ARL15: variants seen among roughly 807,000 people sequenced by gnomAD.
ARL15 encodes ADP-ribosylation factor-like protein 15.
ARL15 carries 19 observed loss-of-function variants against 25.2 expected under a neutral mutation model. The observed-to-expected ratio is 0.75, with a 90% confidence interval of 0.53 to 1.10. The LOEUF is 1.10. Ranked by LOEUF, ARL15 falls within the 50% of genes least tolerant of loss-of-function variation. The pLI, the probability that ARL15 is intolerant of heterozygous loss-of-function variation, is 0.00. For missense variants in ARL15, 220 were observed against 246.0 expected, an observed-to-expected ratio of 0.89 and a Z score of 0.71; for synonymous variants, 94 against 86.8, an observed-to-expected ratio of 1.08 and a Z score of -0.46.
chr5:54,096,247 G>A (rs1273421099), intron 4 of ARL15, among the ~76,000 whole-genome samples: 1 of 151,938 alleles, frequency 6.6e-6, no homozygotes, highest in African/African-American at 2.4e-5. Flanking sequence ...ATAATATATT[G>A]TGATTATCTG....
intron 4 of ARL15, among the ~76,000 whole-genome samples, chr5:54,068,337 C>T (rs754682818): frequency 9.9e-5 from 15 of 152,122 alleles, no homozygotes; most frequent in Non-Finnish European, 2.1e-4. Flanking sequence ...GAACAGAAAG[C>T]ACAATTCAAG....
intron 4 of ARL15, 105 bp from the exon 5 acceptor site, chr5:53,886,818 TAC>T: frequency 1.8e-6 from 2 of 1,093,012 alleles, no homozygotes; most frequent in Non-Finnish European, 2.6e-6. Flanking sequence ...GCGGAATTTA[TAC>T]GAACTGTGAT....
chr5:54,054,712 C>A (rs937532349), intron 4 of ARL15, among the ~76,000 whole-genome samples: 1 of 152,122 alleles, frequency 6.6e-6, no homozygotes, highest in African/African-American at 2.4e-5. Context: ...ATGGCGTGAA[C>A]CCAGAAGGCG....
intron 4 of ARL15, among the ~76,000 whole-genome samples, chr5:54,109,346 T>C (rs1441840941): frequency 2.6e-5 from 4 of 152,026 alleles, no homozygotes; most frequent in Non-Finnish European, 5.9e-5. Context: ...AAAAGTTAAA[T>C]ACTTTTGGAT....
intron 4 of ARL15, among the ~76,000 whole-genome samples, chr5:54,062,483 T>C (rs968545089): frequency 2.7e-5 from 4 of 148,168 alleles, no homozygotes; most frequent in Non-Finnish European, 3.0e-5. Context: ...GTTCTTGTGA[T>C]AGTGAATGAG....
At chr5:54,037,186 C>T (rs758877392) in intron 4 of ARL15, among the ~76,000 whole-genome samples, 20 of 151,982 alleles carry the variant, frequency 1.3e-4, no homozygotes, top group Non-Finnish European at 2.8e-4. Context: ...AAAGAAAACA[C>T]ACTACTGTTT....
intron 4 of ARL15, among the ~76,000 whole-genome samples, chr5:54,005,366 A>G (rs1748993018): frequency 6.6e-6 from 1 of 152,292 alleles, no homozygotes; most frequent in African/African-American, 2.4e-5. Context: ...TCTGTCCCCC[A>G]GGTGACTGTA....
At chr5:53,937,583 A>G (rs976724702) in intron 4 of ARL15, among the ~76,000 whole-genome samples, 28 of 152,186 alleles carry the variant, frequency 1.8e-4, no homozygotes, top group Non-Finnish European at 7.3e-5. Context: ...ATACACAAAT[A>G]CTTCCTATTG....
intron 1 of ARL15, among the ~76,000 whole-genome samples, chr5:54,250,426 T>C (rs1223452174): frequency 1.3e-5 from 2 of 152,064 alleles, no homozygotes; most frequent in Admixed American, 1.3e-4. Context: ...CTGACAGAAT[T>C]GGAGAACAGG....
In ARL15 at chr5:54,136,872, T is replaced by TG. The variant is rs1304026260; in HGVS notation, c.253+17707_253+17708insC. The stretch of plus-strand genomic sequence containing the variant: ...CTAGACAGGACAGTCTGCCTGGGTT[T>TG]TTTTTTTTTTTTTAGTTTAGTTCAG... On this transcript the variant is annotated intron_variant, in intron 3 of 4. Coordinates refer to ENST00000504924, the MANE Select transcript of ARL15 (RefSeq NM_019087.3). 6.0e-5 allele frequency among the ~76,000 whole-genome samples: 9 copies of TG among 151,016 alleles called. No individual in the cohort carries two copies. The South Asian group carries it at 1.9e-3, about 32-fold the overall frequency.
chr5:54,089,077 T>A (rs894127009), intron 4 of ARL15, among the ~76,000 whole-genome samples: 12 of 152,284 alleles, frequency 7.9e-5, no homozygotes, highest in Admixed American at 7.9e-4. Flanking sequence ...TGCAAAGTAA[T>A]GCTATTCAAA....
chr5:54,241,133 T>G (rs529145436), intron 1 of ARL15, among the ~76,000 whole-genome samples: 1 of 152,262 alleles, frequency 6.6e-6, no homozygotes, highest in African/African-American at 2.4e-5. Flanking sequence ...AATTCTTAAC[T>G]ATTTTACTAA....
At chr5:54,162,832 C>T (rs1754446217) in intron 2 of ARL15, among the ~76,000 whole-genome samples, 1 of 152,170 alleles carries the variant, frequency 6.6e-6, no homozygotes, top group South Asian at 2.1e-4. Context: ...TCTACTTTAA[C>T]AATCATGCCA....
chr5:54,269,614 A>T (rs910654292), intron 1 of ARL15, among the ~76,000 whole-genome samples: 1 of 152,180 alleles, frequency 6.6e-6, no homozygotes, highest in Non-Finnish European at 1.5e-5. Flanking sequence ...TTATATTTTT[A>T]TTTACACAAC....
intron 4 of ARL15, among the ~76,000 whole-genome samples, chr5:53,921,023 T>A (rs570246864): frequency 6.6e-6 from 1 of 152,310 alleles, no homozygotes; most frequent in South Asian, 2.1e-4. Flanking sequence ...GGTCCTTGAA[T>A]AACTACAAGG....
In ARL15 at chr5:54,156,405, T is replaced by C. The variant is rs528420757; in HGVS notation, c.194-1766A>G. Among the ~76,000 whole-genome samples the C allele has an allele frequency of 4.6e-5, 7 of 152,338 alleles. No homozygotes were observed. The East Asian group carries it at 1.2e-3, about 25-fold the overall frequency. ...TGTTATAAGGATAAGATAATGTATGTGTTATGTTTATCACAGTGCCTGGTA... is the reference window on the plus strand; with the variant it reads ...TGTTATAAGGATAAGATAATGTATGCGTTATGTTTATCACAGTGCCTGGTA... On this transcript the variant is annotated intron_variant, in intron 2 of 4. Coordinates refer to ENST00000504924, the MANE Select transcript of ARL15 (RefSeq NM_019087.3).
chr5:54,007,347 T>C (rs1561186399), intron 4 of ARL15, among the ~76,000 whole-genome samples: 1 of 152,188 alleles, frequency 6.6e-6, no homozygotes, highest in Non-Finnish European at 1.5e-5. Context: ...GGTCAATTTC[T>C]TTACTACCCT....
chr5:54,112,642 A>G lies in ARL15; in HGVS notation c.462+560T>C, dbSNP rs1752774787. Among the ~76,000 whole-genome samples, 5 of 152,282 alleles carry G rather than the reference A, an allele frequency of 3.3e-5. No individual in the cohort carries two copies. The South Asian group carries it at 1.0e-3, about 32-fold the overall frequency. On this transcript the variant is annotated intron_variant, in intron 4 of 4. Coordinates refer to ENST00000504924, the MANE Select transcript of ARL15 (RefSeq NM_019087.3). Reference sequence around the variant, plus strand: ...TGCCTAGAATTAGTCTCATGCTTTTATAGGAGAGATACAAGCTAAGAAATA... The same window carrying G: ...TGCCTAGAATTAGTCTCATGCTTTTGTAGGAGAGATACAAGCTAAGAAATA...
chr5:54,305,512 C>G (rs1297674823), intron 1 of ARL15, among the ~76,000 whole-genome samples: 1 of 152,094 alleles, frequency 6.6e-6, no homozygotes, highest in East Asian at 1.9e-4. Flanking sequence ...GTAGTTTCCC[C>G]TCATCCATGG....
Sources: gnomAD v4.1 joint callset for allele counts (sites outside exome capture counted in the v4.1 genomes callset) on GRCh38, gnomAD v4.1.1 for gene constraint, MANE v1.5 for transcripts, NCBI Gene and HGNC (gene_info 2026-07-23, HGNC 2026-07-21) for gene names.